The following CDK17 variants were observed in gnomAD, a reference collection of about 807,000 sequenced individuals.
CDK17 encodes cyclin dependent kinase 17.
Under a neutral mutation model 77.6 loss-of-function variants are expected in CDK17, and 24 were observed. The ratio of observed to expected loss-of-function variants is 0.31; its 90% CI spans 0.22 to 0.44. The LOEUF (loss-of-function observed/expected upper bound fraction) is 0.44, where lower values mean the gene tolerates loss of function less well. CDK17 is among the 20% of genes least tolerant of loss of function. The probability of loss-of-function intolerance (pLI) is 1.00; values close to 1 mark genes in which losing one functional copy is unlikely to be tolerated. For missense variants in CDK17, 429 were observed against 622.5 expected, an observed-to-expected ratio of 0.69 and a Z score of 3.31; for synonymous variants, 203 against 210.4, an observed-to-expected ratio of 0.96 and a Z score of 0.30.
chr12:96,399,961 G>C (rs1954233184), intron 1 of CDK17, 25 bp downstream of exon 1: 5 of 374,084 alleles, frequency 1.3e-5, no homozygotes, highest in Non-Finnish European at 2.4e-5. Context: ...GGAAAGCGCG[G>C]CGCGGACGCC....
intron 3 of CDK17, among the ~76,000 whole-genome samples, chr12:96,318,196 CAAAG>C (rs1952760421): frequency 1.3e-5 from 2 of 151,158 alleles, no homozygotes; most frequent in African/African-American, 2.4e-5. Flanking sequence ...TCAAAAGAGA[CAAAG>C]AAGGCCATTA....
At chr12:96,300,543 C>A (rs903065211) in intron 5 of CDK17, among the ~76,000 whole-genome samples, 183 bp from the exon 6 acceptor site, 3 of 151,990 alleles carry the variant, frequency 2.0e-5, no homozygotes, top group South Asian at 2.1e-4. Flanking sequence ...ATTACAGGCA[C>A]GCAGCACCAA....
At chr12:96,341,201 A>C (rs546424368) in intron 1 of CDK17, among the ~76,000 whole-genome samples, 1 of 152,268 alleles carries the variant, frequency 6.6e-6, no homozygotes, top group Admixed American at 6.5e-5. Context: ...AAACAGTGTG[A>C]CTTAATGGTA....
At chr12:96,389,155 T>G (rs948587794) in intron 1 of CDK17, among the ~76,000 whole-genome samples, 1 of 151,862 alleles carries the variant, frequency 6.6e-6, no homozygotes, top group Non-Finnish European at 1.5e-5. Context: ...TTAATTTTTT[T>G]GTAGGCATGG....
At chr12:96,320,120 A>G (rs545134691) in intron 3 of CDK17, among the ~76,000 whole-genome samples, 5 of 152,278 alleles carry the variant, frequency 3.3e-5, no homozygotes, top group Middle Eastern at 3.4e-3. Flanking sequence ...AAATCAATGT[A>G]CAAAAATCTT....
rs898863488 is a variant in CDK17 at position 96,391,222 on chromosome 12, A to G, written c.-30+8764T>C. On this transcript the variant is annotated intron_variant, in intron 1 of 16. Coordinates refer to ENST00000261211, the MANE Select transcript of CDK17 (RefSeq NM_002595.5). ...CAGTAAGCGCATTTAAGCCAATACT[A>G]CACAGTTAAATAGCTAGATTTCATT... 2.0e-5 allele frequency among the ~76,000 whole-genome samples: 3 copies of G among 152,044 alleles called. No individual in the cohort carries two copies. The East Asian group carries it at 5.8e-4, about 29-fold the overall frequency.
At chr12:96,390,286 GC>G (rs1232638766) in intron 1 of CDK17, among the ~76,000 whole-genome samples, 5 of 150,446 alleles carry the variant, frequency 3.3e-5, no homozygotes, top group Middle Eastern at 3.5e-3. Flanking sequence ...GTGCCAACAC[GC>G]CCGGCTAATT....
At chr12:96,296,210 T>C (rs1280920625) in intron 9 of CDK17, among the ~76,000 whole-genome samples, 2 of 152,232 alleles carry the variant, frequency 1.3e-5, no homozygotes, top group Admixed American at 1.3e-4. Context: ...CGTCTCAACA[T>C]TTGTGAAATT....
chr12:96,282,923 C>A (rs532251889), intron 14 of CDK17, among the ~76,000 whole-genome samples: 259 of 152,148 alleles, frequency 1.7e-3, no homozygotes, highest in African/African-American at 5.7e-3. Flanking sequence ...CACCAAAGGA[C>A]TGGTGGACAT....
At chr12:96,375,881 T>C (rs900071552) in intron 1 of CDK17, among the ~76,000 whole-genome samples, 1 of 152,166 alleles carries the variant, frequency 6.6e-6, no homozygotes, top group Non-Finnish European at 1.5e-5. Flanking sequence ...TACTTGGGCA[T>C]GTCTGACACC....
At chr12:96,355,552 G>A (rs1325730448) in intron 1 of CDK17, among the ~76,000 whole-genome samples, 2 of 151,770 alleles carry the variant, frequency 1.3e-5, no homozygotes, top group African/African-American at 2.4e-5. Context: ...CTACAGGCAC[G>A]CGCTACCATG....
rs536307591 is a variant in CDK17 at position 96,312,184 on chromosome 12, G to A, written c.418-1007C>T. Among the ~76,000 whole-genome samples the A allele has an allele frequency of 2.4e-4, 36 of 152,268 alleles. 1 individual carries two copies. In the South Asian group the frequency reaches 5.4e-3, roughly 23 times the overall value. On this transcript the variant is annotated intron_variant, in intron 4 of 16. Coordinates refer to ENST00000261211, the MANE Select transcript of CDK17 (RefSeq NM_002595.5). The stretch of plus-strand genomic sequence containing the variant: ...GTCCCAGCTACTTGGGGCTAAGGCA[G>A]GAGGATCACTTGAGCCCAGGAGGTT...
intron 2 of CDK17, among the ~76,000 whole-genome samples, chr12:96,325,674 A>G (rs1434888663): frequency 6.6e-6 from 1 of 152,246 alleles, no homozygotes; most frequent in Non-Finnish European, 1.5e-5. Context: ...CCTACCTAGT[A>G]ATACAGAACA....
At chr12:96,388,834 C>T (rs1954016641) in intron 1 of CDK17, among the ~76,000 whole-genome samples, 1 of 152,076 alleles carries the variant, frequency 6.6e-6, no homozygotes, top group African/African-American at 2.4e-5. Flanking sequence ...AGCTTTTACT[C>T]ATGGTGCAAA....
chr12:96,282,688 TA>T, intron 14 of CDK17, 89 bp from the exon 15 acceptor site: 5 of 769,650 alleles, frequency 6.5e-6, no homozygotes, highest in South Asian at 1.6e-5. Context: ...TAGAGCTACT[TA>T]AAAAAAATCT....
intron 1 of CDK17, chr12:96,335,172 T>C: frequency 2.4e-6 from 1 of 408,460 alleles, no homozygotes; most frequent in South Asian, 1.9e-5. Context: ...ACCATTATAG[T>C]AAAATATCAA....
At chr12:96,290,949 C>T (rs1241897863) in intron 10 of CDK17, among the ~76,000 whole-genome samples, 1 of 151,984 alleles carries the variant, frequency 6.6e-6, no homozygotes, top group Non-Finnish European at 1.5e-5. Flanking sequence ...ATTATATAAG[C>T]CATTTTCTAT....
Position 96,316,939 on chromosome 12 carries a change from G to A in CDK17, c.284-3485C>T, listed in dbSNP as rs567650754. ...AGGAACACAGTTCCTCACCAGCAAC[G>A]GAACAAAGCTGGATGGAGAATGACT... is the stretch of plus-strand genomic sequence containing the variant. On this transcript the variant is annotated intron_variant, in intron 3 of 16. Coordinates refer to ENST00000261211, the MANE Select transcript of CDK17 (RefSeq NM_002595.5). 2.6e-3 allele frequency among the ~76,000 whole-genome samples: 394 copies of A among 150,656 alleles called. 1 individual carries two copies. The highest frequency in any genetic ancestry group is 9.0e-3 in the African/African-American group (370 of 40,960).
intron 5 of CDK17, among the ~76,000 whole-genome samples, chr12:96,308,731 A>AAATAATAATAATAAT (rs34304107): frequency 0.14 from 18,371 of 132,284 alleles, 1,361 homozygotes; most frequent in Middle Eastern, 0.2. Flanking sequence ...CCGTCTCCAA[A>AAATAATAATAATAAT]AATAATAATA....
Sources: allele counts gnomAD v4.1 joint callset (sites outside exome capture counted in the v4.1 genomes callset), GRCh38; gene constraint gnomAD v4.1.1; transcripts MANE v1.5; gene names NCBI Gene and HGNC (gene_info 2026-07-23, HGNC 2026-07-21).